The following H2AC15 variants were observed in gnomAD, a reference collection of about 807,000 sequenced individuals.
H2AC15 encodes the protein H2A clustered histone 15.
Under a neutral mutation model 7.8 loss-of-function variants are expected in H2AC15, and 7 were observed. The ratio of observed to expected loss-of-function variants is 0.90; its 90% CI spans 0.51 to 1.69. The LOEUF (loss-of-function observed/expected upper bound fraction) is 1.69. H2AC15 is among the 40% of genes most tolerant of loss of function. H2AC15 has a pLI of 0.00. For missense variants in H2AC15, 234 were observed against 174.7 expected (o/e 1.34, Z -1.91); for synonymous variants, 125 against 79.3 (o/e 1.58, Z -3.06).
chr6:27,838,061 C>G lies in H2AC15; in HGVS notation c.279G>C (p.Glu93Asp). 6.2e-7 allele frequency: 1 copy of G among 1,614,242 alleles called. No homozygotes were observed. Among genetic ancestry groups the G allele is most frequent in the South Asian group, 1.1e-5 (1 of 91,086 alleles). ...HLQLAIRNDE[E>D]LNKLLGKVTI... ...TCACTTTACCAAGCAGCTTGTTGAG[C>G]TCCTCGTCGTTGCGGATGGCCAGCT... Residue 93 changes from glutamate to aspartate, a missense_variant, in exon 1 of 1, where the codon GAG (glutamate) becomes GAC (aspartate). Transcript: ENST00000618958.
rs776566851 is a variant in H2AC15 at position 27,838,365 on chromosome 6, T to C, written c.-26A>G. 8 of 1,553,132 alleles carry C rather than the reference T, an allele frequency of 5.2e-6. No individual in the cohort carries two copies. The highest frequency in any genetic ancestry group is 1.7e-4 in the Middle Eastern group (1 of 5,756). ...GACGTAAAAAATTCAATCAGTAACG[T>C]TCCTGAGACTGACGTAACGCTAAAG... is the stretch of plus-strand genomic sequence containing the variant. On this transcript the variant is annotated 5_prime_UTR_variant, in exon 1 of 1. Coordinates refer to ENST00000618958, the MANE Select transcript of H2AC15 (RefSeq NM_003510.3).
In H2AC15 at chr6:27,838,245, T is replaced by G. The variant is rs1335101319; in HGVS notation, c.95A>C (p.His32Pro). Reference sequence around the variant, plus strand: ...GTAGTTGCCCTTGCGGAGCAGTCGGTGCACTCGGCCCACTGGGAACTGAAG... The same window carrying G: ...GTAGTTGCCCTTGCGGAGCAGTCGGGGCACTCGGCCCACTGGGAACTGAAG... Reference protein sequence around the residue: ...AGLQFPVGRVHRLLRKGNYAE... With the variant: ...AGLQFPVGRVPRLLRKGNYAE... The change falls in exon 1 of 1, where the codon CAC (histidine) becomes CCC (proline). Residue 32 changes from histidine to proline, a missense_variant. Physicochemically the swap from His to Pro is moderately conservative, Grantham distance 77. Transcript: ENST00000618958. 6.2e-7 allele frequency: 1 copy of G among 1,613,926 alleles called. No homozygotes were observed. Among genetic ancestry groups the G allele is most frequent in the Non-Finnish European group, 8.5e-7 (1 of 1,179,954 alleles).
rs1193268168 is a variant in H2AC15 at position 27,838,272 on chromosome 6, C to G, written c.68G>C (p.Gly23Ala). The stretch of plus-strand genomic sequence containing the variant: ...CACTCGGCCCACTGGGAACTGAAGA[C>G]CCGCCCTTGAAGAACGGGTCTTAGC... ...AKAKTRSSRAGLQFPVGRVHR... is the reference protein window; with the variant it reads ...AKAKTRSSRAALQFPVGRVHR... The change falls in exon 1 of 1, where the codon GGT becomes GCT. Residue 23 changes from glycine (G) to alanine (A), a missense_variant. Coordinates refer to ENST00000618958, the MANE Select transcript of H2AC15 (RefSeq NM_003510.3). The G allele has an allele frequency of 4.3e-6, 7 of 1,612,726 alleles. No homozygotes were observed. Among genetic ancestry groups the G allele is most frequent in the Non-Finnish European group, 5.9e-6 (7 of 1,179,200 alleles).
rs1761060871 is a variant in H2AC15, at chr6:27,838,037, C to T, written c.303G>A (p.Val101=). 6.2e-7 allele frequency: 1 copy of T among 1,614,112 alleles called. No homozygotes were observed. Among genetic ancestry groups the T allele is most frequent in the Admixed American group, 1.7e-5 (1 of 60,006 alleles). Residue 101 remains valine (V), a synonymous_variant, in exon 1 of 1, where the codon GTG becomes GTA. Transcript: ENST00000618958. ...DEELNKLLGK[V]TIAQGGVLPN... is the part of the protein sequence containing the mutation. Reference sequence around the variant, plus strand: ...GCAGGACACCACCCTGGGCGATGGTCACTTTACCAAGCAGCTTGTTGAGCT... The same window carrying T: ...GCAGGACACCACCCTGGGCGATGGTTACTTTACCAAGCAGCTTGTTGAGCT...
At position 27,838,328 on chromosome 6, in the gene H2AC15, A is replaced by G. The variant is rs1761075779; in HGVS notation, c.12T>C (p.Arg4=). MSG[R]GKQGGKARAK... ...CGCGAGCTTTGCCGCCCTGCTTGCC[A>G]CGTCCCGACATGACGTAAAAAATTC... Residue 4 remains arginine (R), a synonymous_variant, in exon 1 of 1, where the codon CGT becomes CGC. Coordinates refer to ENST00000618958, the MANE Select transcript of H2AC15 (RefSeq NM_003510.3). 3 of 1,582,230 alleles carry G rather than the reference A, an allele frequency of 1.9e-6. No homozygotes were observed. The highest frequency in any genetic ancestry group is 1.4e-5 in the African/African-American group (1 of 73,808).
Sources: gnomAD v4.1 joint callset for allele counts on GRCh38, gnomAD v4.1.1 for gene constraint, MANE v1.5 for transcripts, NCBI Gene and HGNC (gene_info 2026-07-23, HGNC 2026-07-21) for gene names.